AP3S1: variants seen among roughly 807,000 people sequenced by gnomAD.
The protein encoded by AP3S1 is adaptor related protein complex 3 subunit sigma 1, also known as AP-3 complex subunit sigma-1.
A neutral mutation model predicts 21.3 loss-of-function variants in AP3S1; 12 were observed. That is an observed-to-expected ratio of 0.56 (90% CI 0.36 to 0.91). AP3S1 has a LOEUF of 0.91. AP3S1 is among the 40% of genes least tolerant of loss of function. AP3S1 has a pLI of 0.01. For synonymous variants in AP3S1, 48 were observed against 78.4 expected (o/e 0.61, Z 2.05); for missense variants, 116 against 225.0 (o/e 0.52, Z 3.10).
In AP3S1 at chr5:115,878,505, G is replaced by A. The variant is rs560596670; in HGVS notation, c.273+8377G>A. On this transcript the variant is annotated intron_variant, in intron 3 of 5. Coordinates refer to ENST00000316788, the MANE Select transcript of AP3S1 (RefSeq NM_001284.4). ...CAGATTTACCAAAGGTCAGATGGTT[G>A]TAGATGTGTGGCATTATTTCTGAGG... Among the ~76,000 whole-genome samples, 11 of 152,292 alleles carry A rather than the reference G, an allele frequency of 7.2e-5. No individual in the cohort carries two copies. The East Asian group carries it at 9.7e-4, about 13-fold the overall frequency.
At chr5:115,896,947 A>AT (rs925847206) in intron 4 of AP3S1, among the ~76,000 whole-genome samples, 8 of 142,658 alleles carry the variant, frequency 5.6e-5, no homozygotes, top group African/African-American at 1.2e-4. Flanking sequence ...AGGTTCTTAT[A>AT]TTTTTTTTAC....
intron 5 of AP3S1, chr5:115,903,478 A>G (rs1451870352): frequency 5.2e-5 from 8 of 152,792 alleles, no homozygotes; most frequent in Non-Finnish European, 1.2e-4. Context: ...TTGAGTTCAC[A>G]TTCAAAAAAG....
chr5:115,858,232 G>T (rs866422243), intron 1 of AP3S1, among the ~76,000 whole-genome samples: 2 of 152,218 alleles, frequency 1.3e-5, no homozygotes, highest in South Asian at 4.1e-4. Flanking sequence ...GTCATGGGAA[G>T]TAGATTTTTT....
At chr5:115,905,117 CA>C (rs530871152) in intron 5 of AP3S1, among the ~76,000 whole-genome samples, 463 of 151,872 alleles carry the variant, frequency 3.0e-3, no homozygotes, top group African/African-American at 0.011. Context: ...TGATTTTTCA[CA>C]AAAAAAAGTT....
intron 1 of AP3S1, among the ~76,000 whole-genome samples, chr5:115,864,135 A>G (rs532287802): frequency 1.5e-4 from 23 of 152,360 alleles, no homozygotes; most frequent in African/African-American, 5.3e-4. Context: ...GATGAGGACT[A>G]TCTTTATCTA....
intron 5 of AP3S1, among the ~76,000 whole-genome samples, chr5:115,905,840 GTA>G (rs569161087): frequency 2.2e-4 from 34 of 152,264 alleles, no homozygotes; most frequent in African/African-American, 7.2e-4. Flanking sequence ...CAGTTAAAAT[GTA>G]TTATATAAGG....
intron 3 of AP3S1, among the ~76,000 whole-genome samples, chr5:115,880,941 C>T (rs1340157892): frequency 1.3e-5 from 2 of 152,148 alleles, no homozygotes; most frequent in African/African-American, 4.8e-5. Context: ...GATCCCTTTA[C>T]CATTATGTGA....
intron 1 of AP3S1, among the ~76,000 whole-genome samples, chr5:115,849,515 T>C (rs538272057): frequency 1.4e-4 from 21 of 152,240 alleles, no homozygotes; most frequent in Admixed American, 3.3e-4. Flanking sequence ...AAGAGAACGA[T>C]GGGGACAGAT....
intron 2 of AP3S1, among the ~76,000 whole-genome samples, chr5:115,867,695 A>T (rs986126849): frequency 2.1e-4 from 32 of 152,204 alleles, no homozygotes; most frequent in African/African-American, 7.7e-4. Flanking sequence ...AATTGAGACA[A>T]GTGTACCTGC....
chr5:115,857,150 G>A (rs537259260), intron 1 of AP3S1, among the ~76,000 whole-genome samples: 9 of 152,252 alleles, frequency 5.9e-5, no homozygotes, highest in African/African-American at 2.2e-4. Flanking sequence ...TTGATAAGCA[G>A]TAATATAATA....
intron 1 of AP3S1, among the ~76,000 whole-genome samples, chr5:115,866,352 A>G (rs1348312878): frequency 6.6e-6 from 1 of 152,238 alleles, no homozygotes; most frequent in African/African-American, 2.4e-5. Context: ...TAAGATAATC[A>G]GCTTTGACTA....
chr5:115,900,808 T>C (rs1439473042), intron 4 of AP3S1, among the ~76,000 whole-genome samples: 1 of 152,190 alleles, frequency 6.6e-6, no homozygotes, highest in Non-Finnish European at 1.5e-5. Flanking sequence ...AATAGATGTA[T>C]GTATACACGC....
At chr5:115,890,803 G>A (rs994440064) in intron 3 of AP3S1, among the ~76,000 whole-genome samples, 2 of 151,530 alleles carry the variant, frequency 1.3e-5, no homozygotes, top group Non-Finnish European at 2.9e-5. Flanking sequence ...AGTTGTTTCC[G>A]GAGCTCTGGT....
chr5:115,873,892 T>C (rs1748486918), intron 3 of AP3S1, among the ~76,000 whole-genome samples: 1 of 152,154 alleles, frequency 6.6e-6, no homozygotes, highest in African/African-American at 2.4e-5. Flanking sequence ...ATTAAACCTA[T>C]GCTTATAATT....
At chr5:115,904,174 A>G (rs1489506278) in intron 5 of AP3S1, 2 of 152,182 alleles carry the variant, frequency 1.3e-5, no homozygotes, top group Non-Finnish European at 2.9e-5. Context: ...CATAACTCAG[A>G]TTGGAAAAAA....
chr5:115,861,369 G>T (rs1285104534), intron 1 of AP3S1, among the ~76,000 whole-genome samples: 13 of 152,150 alleles, frequency 8.5e-5, no homozygotes. Context: ...GATTAGTCTG[G>T]CTTAGATTTT....
chr5:115,891,519 C>G (rs148103828), intron 3 of AP3S1, among the ~76,000 whole-genome samples: 13 of 152,246 alleles, frequency 8.5e-5, no homozygotes, highest in African/African-American at 2.9e-4. Flanking sequence ...TGATTAATTT[C>G]TCAGAGCACT....
chr5:115,869,964 G>A, intron 2 of AP3S1, 53 bp from the exon 3 acceptor site: 1 of 1,171,554 alleles, frequency 8.5e-7, no homozygotes, highest in Non-Finnish European at 1.2e-6. Context: ...TTGAGCTAAT[G>A]AAAATGATTC....
intron 3 of AP3S1, among the ~76,000 whole-genome samples, chr5:115,875,907 C>A (rs1748671515): frequency 6.6e-6 from 1 of 152,136 alleles, no homozygotes; most frequent in Admixed American, 6.6e-5. Flanking sequence ...AGTCTGATTT[C>A]CAGCAATTGC....
Sources: gnomAD v4.1 joint callset for allele counts (sites outside exome capture counted in the v4.1 genomes callset) on GRCh38, gnomAD v4.1.1 for gene constraint, MANE v1.5 for transcripts, NCBI Gene and HGNC (gene_info 2026-07-23, HGNC 2026-07-21) for gene names.